ROBO2: variants seen among roughly 807,000 people sequenced by gnomAD.
ROBO2 encodes the protein roundabout homolog 2.
ROBO2 carries 53 observed loss-of-function variants against 160.8 expected under a neutral mutation model. That is an observed-to-expected ratio of 0.33 (90% CI 0.26 to 0.41). The LOEUF is 0.41. Among genes scored for constraint, ROBO2 ranks in the 10% least tolerant of loss-of-function variants. The probability of loss-of-function intolerance (pLI) is 1.00; values close to 1 mark genes in which losing one functional copy is unlikely to be tolerated. For synonymous variants in ROBO2, 664 were observed against 611.7 expected (o/e 1.09, Z -1.26); for missense variants, 1,577 against 1,722.4 (o/e 0.92, Z 1.49).
chr3:76,133,497 C>T (rs1576994966), intron 2 of ROBO2, among the ~76,000 whole-genome samples: 1 of 151,912 alleles, frequency 6.6e-6, no homozygotes, highest in East Asian at 1.9e-4. Flanking sequence ...AGAATTGACT[C>T]ACATGATCAC....
At chr3:76,568,958 G>A (rs956766431) in intron 2 of ROBO2, among the ~76,000 whole-genome samples, 4 of 152,168 alleles carry the variant, frequency 2.6e-5, no homozygotes, top group African/African-American at 9.7e-5. Flanking sequence ...GTCCCTATGA[G>A]TAACAAGAAT....
intron 6 of ROBO2, among the ~76,000 whole-genome samples, chr3:77,532,593 T>G: frequency 6.6e-6 from 1 of 152,090 alleles, no homozygotes; most frequent in South Asian, 2.1e-4. Context: ...TTCACATTTA[T>G]CAACTTCTCT....
chr3:76,485,841 A>T (rs572597391), intron 2 of ROBO2, among the ~76,000 whole-genome samples: 1 of 152,304 alleles, frequency 6.6e-6, no homozygotes, highest in Admixed American at 6.5e-5. Flanking sequence ...AAATAACAAC[A>T]ATTTGTTAGA....
At chr3:76,403,590 A>G (rs1280149391) in intron 2 of ROBO2, among the ~76,000 whole-genome samples, 3 of 151,450 alleles carry the variant, frequency 2.0e-5, no homozygotes, top group Admixed American at 1.3e-4. Context: ...TGTTTACTCC[A>G]CTACATAGGT....
chr3:76,626,837 C>T lies in ROBO2; in HGVS notation c.110-471177C>T, dbSNP rs182309580. On this transcript the variant is annotated intron_variant, in intron 2 of 26. Transcript: ENST00000487694. The stretch of plus-strand genomic sequence containing the variant: ...CCTCCCGAGTAGCTGGGACTACAGG[C>T]GCCACCACCACACCCAGCTAATTTT... Among the ~76,000 whole-genome samples the T allele has an allele frequency of 4.6e-5, 7 of 152,126 alleles. 1 individual carries two copies. Among genetic ancestry groups the T allele is most frequent in the Admixed American group, 2.6e-4 (4 of 15,268 alleles).
intron 20 of ROBO2, among the ~76,000 whole-genome samples, chr3:77,605,206 A>G (rs2094503287): frequency 6.7e-6 from 1 of 149,960 alleles, no homozygotes; most frequent in African/African-American, 2.4e-5. Flanking sequence ...ATATACATAT[A>G]TATTAATATA....
intron 2 of ROBO2, among the ~76,000 whole-genome samples, chr3:76,201,321 T>A (rs193087065): frequency 8.3e-4 from 127 of 152,304 alleles, no homozygotes; most frequent in African/African-American, 3.0e-3. Flanking sequence ...CGTTGCCACT[T>A]CCAGTCTCAC....
At chr3:76,944,447 T>C (rs1306769865) in intron 2 of ROBO2, among the ~76,000 whole-genome samples, 1 of 152,124 alleles carries the variant, frequency 6.6e-6, no homozygotes, top group Non-Finnish European at 1.5e-5. Flanking sequence ...GAAATTGCAG[T>C]TTTATAAATC....
chr3:76,058,933 A>C (rs962927846), intron 2 of ROBO2, among the ~76,000 whole-genome samples: 3 of 151,002 alleles, frequency 2.0e-5, no homozygotes, highest in African/African-American at 4.9e-5. Flanking sequence ...GTTTGCTGAG[A>C]ATGATGGTTT....
At chr3:76,617,565 T>C (rs1040196908) in intron 2 of ROBO2, among the ~76,000 whole-genome samples, 3 of 152,162 alleles carry the variant, frequency 2.0e-5, no homozygotes, top group African/African-American at 7.2e-5. Context: ...CAATAATTAG[T>C]AGAATTTGGC....
At chr3:75,962,911 T>G (rs1948972480) in intron 2 of ROBO2, among the ~76,000 whole-genome samples, 1 of 151,804 alleles carries the variant, frequency 6.6e-6, no homozygotes, top group Admixed American at 6.6e-5. Context: ...ACTTTACCAG[T>G]AGGTAGATTA....
chr3:77,602,984 A>T (rs1372743873), intron 20 of ROBO2: 1 of 456,744 alleles, frequency 2.2e-6, no homozygotes, highest in Non-Finnish European at 4.4e-6. Context: ...TGTCTAATAG[A>T]ATGCCACACA....
intron 2 of ROBO2, among the ~76,000 whole-genome samples, chr3:76,897,870 C>T (rs552015708): frequency 3.2e-4 from 49 of 152,208 alleles, no homozygotes; most frequent in African/African-American, 1.2e-3. Context: ...TATTTATGTA[C>T]AGTTAATTGA....
chr3:77,040,072 CTCG>C, exon 1 of ROBO2: 1 of 901,174 alleles, frequency 1.1e-6, no homozygotes, highest in Non-Finnish European at 1.3e-6. Context: ...CCCTCCCTCC[CTCG>C]CTCCTTCCCT....
chr3:76,176,138 T>C (rs1559614482), intron 2 of ROBO2, among the ~76,000 whole-genome samples: 2 of 152,104 alleles, frequency 1.3e-5, no homozygotes, highest in Non-Finnish European at 2.9e-5. Flanking sequence ...TATTTTAATT[T>C]TTCTCTTTTT....
chr3:77,382,362 T>TAAAA (rs138278147), intron 2 of ROBO2, among the ~76,000 whole-genome samples: 1,899 of 149,054 alleles, frequency 0.013, 32 homozygotes, highest in African/African-American at 0.037. Context: ...TTTTTTTTTT[T>TAAAA]AAAAAGTCTT....
upstream of ROBO2, among the ~76,000 whole-genome samples, chr3:77,039,603 G>A (rs886791865): frequency 6.6e-6 from 1 of 152,076 alleles, no homozygotes; most frequent in Non-Finnish European, 1.5e-5. Context: ...CTCGGCCCTC[G>A]GCAGCCGGCG....
chr3:76,953,594 T>G (rs953157915), intron 2 of ROBO2, among the ~76,000 whole-genome samples: 1 of 152,216 alleles, frequency 6.6e-6, no homozygotes, highest in East Asian at 1.9e-4. Context: ...CCTGATAGAA[T>G]GTTGACTTTC....
chr3:77,303,751 A>G (rs978275459), intron 2 of ROBO2, among the ~76,000 whole-genome samples: 4 of 152,098 alleles, frequency 2.6e-5, no homozygotes, highest in Admixed American at 2.6e-4. Context: ...CATGTTGTAC[A>G]TCTTGAATAT....
Sources: gnomAD v4.1 joint callset for allele counts (sites outside exome capture counted in the v4.1 genomes callset) on GRCh38, gnomAD v4.1.1 for gene constraint, MANE v1.5 for transcripts, NCBI Gene and HGNC (gene_info 2026-07-23, HGNC 2026-07-21) for gene names.